ZSCAN5A: variants seen among roughly 807,000 people sequenced by gnomAD.
The protein encoded by ZSCAN5A is zinc finger and SCAN domain containing 5A, also known as zinc finger and SCAN domain-containing protein 5A.
ZSCAN5A carries 12 observed loss-of-function variants against 23.7 expected under a neutral mutation model. The ratio of observed to expected loss-of-function variants is 0.51; its 90% CI spans 0.32 to 0.82. The LOEUF (loss-of-function observed/expected upper bound fraction) is 0.82, where lower values mean the gene tolerates loss of function less well. Among genes scored for constraint, ZSCAN5A ranks in the 40% least tolerant of loss-of-function variants. ZSCAN5A has a pLI of 0.03. For synonymous variants in ZSCAN5A, 257 were observed against 239.9 expected (o/e 1.07, Z -0.66); for missense variants, 597 against 617.9 (o/e 0.97, Z 0.36).
intron 2 of ZSCAN5A, among the ~76,000 whole-genome samples, chr19:56,264,481 T>C (rs1367261755): frequency 6.6e-6 from 1 of 152,214 alleles, no homozygotes; most frequent in Non-Finnish European, 1.5e-5. Context: ...AGATGTGTTA[T>C]GGAAGTGACA....
intron 2 of ZSCAN5A, among the ~76,000 whole-genome samples, chr19:56,255,043 T>C (rs916269803): frequency 1.3e-5 from 2 of 151,814 alleles, no homozygotes; most frequent in East Asian, 1.9e-4. Flanking sequence ...TTTTAAAATA[T>C]ATATTTTAAA....
At chr19:56,243,387 T>C (rs550580863) in intron 2 of ZSCAN5A, among the ~76,000 whole-genome samples, 1 of 150,720 alleles carries the variant, frequency 6.6e-6, no homozygotes, top group Admixed American at 6.6e-5. Flanking sequence ...GAATGTGCAT[T>C]TTACCAAAAT....
intron 2 of ZSCAN5A, among the ~76,000 whole-genome samples, chr19:56,254,257 T>C (rs1372929293): frequency 6.7e-6 from 1 of 149,742 alleles, no homozygotes; most frequent in East Asian, 1.9e-4. Context: ...CTTTGGTTGC[T>C]ATATATAATT....
At position 56,352,353 on chromosome 19, in the gene ZSCAN5A, G is replaced by C. The variant is rs1029916689; in HGVS notation, c.-358+10882C>G. ...TGATTACTGGGGCACTGTAGAGACA[G>C]AGAGAGACATGAGATCCCACAGAAG... On this transcript the variant is annotated intron_variant, in intron 2 of 6. Transcript: ENST00000587340. The surrounding 1 kb of genome is among the most constrained non-coding windows in gnomAD (Gnocchi z 4.2). Among the ~76,000 whole-genome samples the C allele has an allele frequency of 2.4e-4, 36 of 152,216 alleles. No homozygotes were observed. Among genetic ancestry groups the C allele is most frequent in the Non-Finnish European group, 7.3e-5 (5 of 68,038 alleles).
chr19:56,237,748 C>T (rs1405636351), intron 2 of ZSCAN5A, among the ~76,000 whole-genome samples: 5 of 151,804 alleles, frequency 3.3e-5, no homozygotes, highest in East Asian at 1.9e-4. Context: ...GGCGAAACCC[C>T]GTCTCTACAA....
chr19:56,360,661 C>A (rs2041728358), intron 2 of ZSCAN5A, among the ~76,000 whole-genome samples: 1 of 151,912 alleles, frequency 6.6e-6, no homozygotes, highest in Non-Finnish European at 1.5e-5. Flanking sequence ...CCCTTTATTA[C>A]ACCTTATACA....
At chr19:56,282,581 T>A in intron 2 of ZSCAN5A, 1 of 867,140 alleles carries the variant, frequency 1.2e-6, no homozygotes, top group Non-Finnish European at 1.4e-6. Flanking sequence ...AACTTCGACT[T>A]ACGTTTCTTC....
chr19:56,230,012 C>T (rs761626725), intron 2 of ZSCAN5A, among the ~76,000 whole-genome samples: 4 of 152,058 alleles, frequency 2.6e-5, no homozygotes, highest in Non-Finnish European at 5.9e-5. Flanking sequence ...TAGATGATAA[C>T]ATGTTGTTTG....
At chr19:56,261,696 G>A (rs886297456) in intron 2 of ZSCAN5A, among the ~76,000 whole-genome samples, 2 of 152,072 alleles carry the variant, frequency 1.3e-5, no homozygotes, top group African/African-American at 4.8e-5. Context: ...GAGAAAAAGA[G>A]ATTATTTCTT....
chr19:56,317,704 G>T, upstream of ZSCAN5A: 1 of 152,984 alleles, frequency 6.5e-6, no homozygotes, highest in Non-Finnish European at 1.5e-5. Context: ...TGTGAGAGGA[G>T]GCAGGTGGCA....
intron 2 of ZSCAN5A, among the ~76,000 whole-genome samples, chr19:56,361,427 T>C (rs2041732768): frequency 6.6e-6 from 1 of 152,238 alleles, no homozygotes; most frequent in Non-Finnish European, 1.5e-5. Context: ...GTAACACTAT[T>C]CACAATTGCA....
chr19:56,240,705 T>A (rs1362793338), intron 2 of ZSCAN5A, among the ~76,000 whole-genome samples: 2 of 152,218 alleles, frequency 1.3e-5, no homozygotes, highest in Non-Finnish European at 1.5e-5. Flanking sequence ...GAAACCCTTA[T>A]GTAAACTAGG....
chr19:56,313,619 T>A (rs982576333), intron 1 of ZSCAN5A, among the ~76,000 whole-genome samples: 2 of 152,266 alleles, frequency 1.3e-5, no homozygotes, highest in African/African-American at 4.8e-5. Context: ...CAGTAGTAAC[T>A]AATTTTTAAA....
Position 56,244,391 on chromosome 19 carries a change from G to A in ZSCAN5A, c.-127-19218C>T, listed in dbSNP as rs754806680. ...TGTGCAGAGCTGCAAAGACCTGGAGGACCTGCTACGAAATAACAGAAGACC... is the reference window on the plus strand; with the variant it reads ...TGTGCAGAGCTGCAAAGACCTGGAGAACCTGCTACGAAATAACAGAAGACC... On this transcript the variant is annotated intron_variant, in intron 2 of 5. Coordinates refer to ENST00000683990, the MANE Select transcript of ZSCAN5A (RefSeq NM_001322064.3). 17 of 1,573,558 alleles carry A rather than the reference G, an allele frequency of 1.1e-5. No homozygotes were observed. In the Admixed American group the frequency reaches 1.4e-4, roughly 13 times the overall value.
chr19:56,230,143 G>A (rs921015259), intron 2 of ZSCAN5A, among the ~76,000 whole-genome samples: 1 of 152,020 alleles, frequency 6.6e-6, no homozygotes, highest in Non-Finnish European at 1.5e-5. Flanking sequence ...ACAAAGTGTC[G>A]CTCTGTCACC....
intron 2 of ZSCAN5A, among the ~76,000 whole-genome samples, chr19:56,312,808 CG>C (rs1399333854): frequency 6.6e-6 from 1 of 152,210 alleles, no homozygotes; most frequent in Admixed American, 6.5e-5. Flanking sequence ...ACTTATCTTA[CG>C]TGTTTGTGTC....
rs182599800 is a variant in ZSCAN5A at position 56,291,633 on chromosome 19, C to T, written c.-128+21650G>A. ...GCATCTCATCTCAACAGCACTGAAA[C>T]CTAAGAGTCTTGTTTCACATTTGAC... On this transcript the variant is annotated intron_variant, in intron 2 of 5. Coordinates refer to ENST00000683990, the MANE Select transcript of ZSCAN5A (RefSeq NM_001322064.3). Among the ~76,000 whole-genome samples, 10 of 152,234 alleles carry T rather than the reference C, an allele frequency of 6.6e-5. No homozygotes were observed. In the East Asian group the frequency reaches 1.7e-3, roughly 26 times the overall value.
chr19:56,308,086 C>A (rs530032635), intron 2 of ZSCAN5A, among the ~76,000 whole-genome samples: 1 of 152,196 alleles, frequency 6.6e-6, no homozygotes, highest in Non-Finnish European at 1.5e-5. Flanking sequence ...CAGGCTGGAG[C>A]GCAGTGGCGC....
chr19:56,225,279 C>T (rs2033810758), intron 2 of ZSCAN5A, 106 bp from the exon 3 acceptor site: 3 of 1,112,264 alleles, frequency 2.7e-6, no homozygotes, highest in Non-Finnish European at 3.6e-6. Flanking sequence ...GCATCGAATT[C>T]AGCACAGTGG....
Sources: gnomAD v4.1 joint callset for allele counts (sites outside exome capture counted in the v4.1 genomes callset) on GRCh38, gnomAD v4.1.1 for gene constraint, Gnocchi (gnomAD v3.1) non-coding constraint, MANE v1.5 for transcripts, NCBI Gene and HGNC (gene_info 2026-07-23, HGNC 2026-07-21) for gene names.